The following PDIK1L variants were observed in gnomAD, a reference collection of about 807,000 sequenced individuals.
PDIK1L encodes PDLIM1 interacting kinase 1 like, also known as serine/threonine-protein kinase PDIK1L.
In PDIK1L, 9 loss-of-function variants were observed where a neutral mutation model predicts 27.1. That is an observed-to-expected ratio of 0.33 (90% confidence interval 0.20 to 0.58). PDIK1L has a LOEUF of 0.58. PDIK1L is among the 20% of genes least tolerant of loss of function. The pLI is 0.86. For missense variants in PDIK1L, 216 were observed against 413.2 expected, an observed-to-expected ratio of 0.52 and a Z score of 4.14; for synonymous variants, 130 against 141.7, an observed-to-expected ratio of 0.92 and a Z score of 0.59.
intron 1 of PDIK1L, among the ~76,000 whole-genome samples, chr1:26,113,058 A>G (rs1198538161): frequency 6.6e-6 from 1 of 152,238 alleles, no homozygotes; most frequent in Non-Finnish European, 1.5e-5. Context: ...AATGACCTAG[A>G]ACTAAATAGA....
chr1:26,111,583 C>G (rs1207816613), upstream of PDIK1L, among the ~76,000 whole-genome samples: 1 of 151,336 alleles, frequency 6.6e-6, no homozygotes, highest in Admixed American at 6.6e-5. This position sits in a 1 kb window ranked among gnomAD's most constrained non-coding sequence, Gnocchi z 4.0. Flanking sequence ...CCTCGCGGTT[C>G]CCGAGCCCGG....
At chr1:26,115,663 G>A (rs1482922923) in intron 2 of PDIK1L, among the ~76,000 whole-genome samples, 3 of 152,144 alleles carry the variant, frequency 2.0e-5, no homozygotes, top group Middle Eastern at 3.4e-3. Flanking sequence ...TTAGCTGGGC[G>A]TAGTGGTGGA....
At chr1:26,115,540 G>C (rs1349617649) in intron 2 of PDIK1L, among the ~76,000 whole-genome samples, 1 of 152,192 alleles carries the variant, frequency 6.6e-6, no homozygotes, top group Non-Finnish European at 1.5e-5. Flanking sequence ...AGTGGCTCAC[G>C]CCTGTAATCC....
Position 26,124,796 on chromosome 1 carries a change from T to C in PDIK1L, c.*2219T>C, listed in dbSNP as rs1008073596. The C allele has an allele frequency of 6.6e-6, 1 of 152,192 alleles. No homozygotes were observed. Among genetic ancestry groups the C allele is most frequent in the African/African-American group, 2.4e-5 (1 of 41,450 alleles). 9.4% of individuals were successfully genotyped at this position (152,192 alleles called of 1,614,324 possible). ...GTCTTTGTTCTTTCAGTCAGAGGTA[T>C]TTATTAAGTACCTACTGTGTGCTCA... On this transcript the variant is annotated 3_prime_UTR_variant, in exon 3 of 3. Coordinates refer to ENST00000374269, the MANE Select transcript of PDIK1L (RefSeq NM_152835.5).
intron 2 of PDIK1L, among the ~76,000 whole-genome samples, chr1:26,117,745 A>G (rs2087904390): frequency 6.6e-6 from 1 of 150,724 alleles, no homozygotes; most frequent in South Asian, 2.1e-4. Context: ...TCCATCTCCA[A>G]AACAAAAACA....
At chr1:26,121,783 C>A in intron 2 of PDIK1L, 54 bp from the exon 3 acceptor site, 1 of 1,488,438 alleles carries the variant, frequency 6.7e-7, no homozygotes, top group East Asian at 2.3e-5. Context: ...TTTCCTATAA[C>A]TGAATTGTAT....
At chr1:26,111,519 G>A (rs1463280113), upstream of PDIK1L, 5 of 151,208 alleles carry the variant, frequency 3.3e-5, no homozygotes, top group African/African-American at 9.7e-5. This position sits in a 1 kb window ranked among gnomAD's most constrained non-coding sequence, Gnocchi z 4.0. Flanking sequence ...CCGGGGCCGC[G>A]GGCCCTGAGC....
At chr1:26,112,338 G>C (rs1252012468) in intron 1 of PDIK1L, 2 of 152,244 alleles carry the variant, frequency 1.3e-5, no homozygotes, top group Non-Finnish European at 2.9e-5. Context: ...CCAGCGCCTG[G>C]TTAGAGCAGC....
intron 2 of PDIK1L, among the ~76,000 whole-genome samples, chr1:26,120,765 A>G (rs891330951): frequency 6.6e-6 from 1 of 152,184 alleles, no homozygotes; most frequent in East Asian, 1.9e-4. Flanking sequence ...CATCCTGGCC[A>G]ACATGGTGAA....
rs191575451 is a variant in PDIK1L, at chr1:26,115,001, T to C, written c.285+408T>C. On this transcript the variant is annotated intron_variant, in intron 2 of 2. Coordinates refer to ENST00000374269, the MANE Select transcript of PDIK1L (RefSeq NM_152835.5). ...ATTGGGCATCTCTTTTATAAATCACTGGTTTGAATGTAAGCCTCTGCTGTT... is the reference window on the plus strand; with the variant it reads ...ATTGGGCATCTCTTTTATAAATCACCGGTTTGAATGTAAGCCTCTGCTGTT... 4.9e-4 allele frequency among the ~76,000 whole-genome samples: 75 copies of C among 152,350 alleles called. 2 individuals are homozygous for C. In the East Asian group the frequency reaches 0.013, roughly 27 times the overall value.
intron 2 of PDIK1L, among the ~76,000 whole-genome samples, chr1:26,120,039 A>G (rs2087951163): frequency 6.6e-6 from 1 of 152,238 alleles, no homozygotes. Context: ...AATGGCTAAC[A>G]TCCTCTACAT....
chr1:26,118,978 G>A (rs897184253), intron 2 of PDIK1L, among the ~76,000 whole-genome samples: 1 of 152,210 alleles, frequency 6.6e-6, no homozygotes, highest in African/African-American at 2.4e-5. Context: ...AGAAGAAAAT[G>A]TAAAACAATT....
Position 26,111,994 on chromosome 1 carries a change from G to T in PDIK1L, c.-18+79G>T, listed in dbSNP as rs897738656. ...CTGCATGTGCCTCCCTCCCTGGGAG[G>T]CTTGTCACAGACGTGTCAGCGGAGT... On this transcript the variant is annotated intron_variant, in intron 1 of 2. Transcript: ENST00000374269. This position sits in a 1 kb window ranked among gnomAD's most constrained non-coding sequence, Gnocchi z 4.0. 6.6e-6 allele frequency: 1 copy of T among 152,226 alleles called. No homozygotes were observed. The highest frequency in any genetic ancestry group is 1.5e-5 in the Non-Finnish European group (1 of 68,112). 9.4% of individuals were successfully genotyped at this position (152,226 alleles called of 1,614,324 possible). A position where few individuals can be genotyped will look rare whatever the true frequency, so the allele number is the denominator to read the frequency against.
Position 26,111,946 on chromosome 1 carries a change from G to A in PDIK1L, c.-18+31G>A, listed in dbSNP as rs2087803380. On this transcript the variant is annotated intron_variant, in intron 1 of 2. Coordinates refer to ENST00000374269, the MANE Select transcript of PDIK1L (RefSeq NM_152835.5). This position sits in a 1 kb window ranked among gnomAD's most constrained non-coding sequence, Gnocchi z 4.0. ...TCTGGCCTTTCGGCGTGGCGGAGAG[G>A]TCTTGCTGCAGAGCCGATGGCCCTG... 6.6e-6 allele frequency: 1 copy of A among 152,258 alleles called. No individual in the cohort carries two copies. The highest frequency in any genetic ancestry group is 1.5e-5 in the Non-Finnish European group (1 of 68,110). The allele number at this position is 152,258 out of a possible 1,614,324, so 9.4% of individuals were successfully genotyped here.
At position 26,111,826 on chromosome 1, in the gene PDIK1L, C is replaced by G. The variant is rs911376025; in HGVS notation, c.-107C>G. 1 of 152,214 alleles carries G rather than the reference C, an allele frequency of 6.6e-6. No individual in the cohort carries two copies. Among genetic ancestry groups the G allele is most frequent in the Non-Finnish European group, 1.5e-5 (1 of 68,148 alleles). The allele number at this position is 152,214 out of a possible 1,614,324, so 9.4% of individuals were successfully genotyped here. ...CACGGGGGCGCGCGCCGGCTGCTGA[C>G]TGGAGGCGGCGGCAGCGGAGGCGCG... is the stretch of plus-strand genomic sequence containing the variant. On this transcript the variant is annotated 5_prime_UTR_variant, in exon 1 of 3. Coordinates refer to ENST00000374269, the MANE Select transcript of PDIK1L (RefSeq NM_152835.5). This position sits in a 1 kb window ranked among gnomAD's most constrained non-coding sequence, Gnocchi z 4.0.
chr1:26,121,517 A>G (rs1378546345), intron 2 of PDIK1L, among the ~76,000 whole-genome samples: 2 of 152,178 alleles, frequency 1.3e-5, no homozygotes, highest in East Asian at 1.9e-4. Flanking sequence ...TCATGAAGCT[A>G]TGAGCTAGCT....
chr1:26,120,866 C>G (rs1315955777), intron 2 of PDIK1L, among the ~76,000 whole-genome samples: 2 of 150,520 alleles, frequency 1.3e-5, no homozygotes, highest in Non-Finnish European at 2.9e-5. Context: ...GCAGGAGAAT[C>G]TCTTGAACCT....
rs750586292 is a variant in PDIK1L, at chr1:26,111,851, G to A, written c.-82G>A. ...CTGGAGGCGGCGGCAGCGGAGGCGC[G>A]AGCTGCCCGATAATGGCGGCCTGCA... On this transcript the variant is annotated 5_prime_UTR_variant, in exon 1 of 3. Coordinates refer to ENST00000374269, the MANE Select transcript of PDIK1L (RefSeq NM_152835.5). The surrounding 1 kb of genome is among the most constrained non-coding windows in gnomAD (Gnocchi z 4.0). 6.6e-6 allele frequency: 1 copy of A among 152,186 alleles called. No homozygotes were observed. Among genetic ancestry groups the A allele is most frequent in the African/African-American group, 2.4e-5 (1 of 41,420 alleles). 9.4% of individuals were successfully genotyped at this position (152,186 alleles called of 1,614,324 possible). A position where few individuals can be genotyped will look rare whatever the true frequency, so the allele number is the denominator to read the frequency against.
intron 2 of PDIK1L, among the ~76,000 whole-genome samples, chr1:26,119,771 G>A (rs1329369317): frequency 6.6e-6 from 1 of 151,940 alleles, no homozygotes; most frequent in African/African-American, 2.4e-5. Context: ...AGGCAGGAGA[G>A]TCTCTTGAAC....
Sources: allele counts gnomAD v4.1 joint callset (sites outside exome capture counted in the v4.1 genomes callset), GRCh38; gene constraint gnomAD v4.1.1; non-coding constraint Gnocchi (gnomAD v3.1); transcripts MANE v1.5; gene names NCBI Gene and HGNC (gene_info 2026-07-23, HGNC 2026-07-21).